Variants in GPC5 observed in about 807,000 individuals in gnomAD.
GPC5 encodes the protein glypican 5.
In GPC5, 47 loss-of-function variants were observed where a neutral mutation model predicts 53.9. The observed-to-expected ratio is 0.87, with a 90% confidence interval of 0.69 to 1.11. The LOEUF (loss-of-function observed/expected upper bound fraction) is 1.11. Ranked by LOEUF, GPC5 falls within the 50% of genes most tolerant of loss-of-function variation. GPC5 has a pLI of 0.00. For synonymous variants in GPC5, 286 were observed against 263.3 expected (o/e 1.09, Z -0.84); for missense variants, 748 against 713.1 (o/e 1.05, Z -0.56).
At chr13:92,685,017 T>G (rs998809158) in intron 7 of GPC5, among the ~76,000 whole-genome samples, 2 of 152,218 alleles carry the variant, frequency 1.3e-5, no homozygotes, top group Admixed American at 1.3e-4. Context: ...ATGTGCTTAT[T>G]TACCATTAGT....
chr13:91,781,991 T>C (rs774589022), intron 5 of GPC5, among the ~76,000 whole-genome samples: 39 of 152,224 alleles, frequency 2.6e-4, no homozygotes, highest in Non-Finnish European at 5.0e-4. Flanking sequence ...TCTCAAAACA[T>C]ATTAAAATAT....
chr13:91,795,181 T>A (rs2038027605), intron 5 of GPC5, among the ~76,000 whole-genome samples: 1 of 152,200 alleles, frequency 6.6e-6, no homozygotes, highest in Non-Finnish European at 1.5e-5. Flanking sequence ...GAATACTTAT[T>A]GAATAGAAGT....
chr13:92,344,389 A>C (rs1427652263), intron 7 of GPC5, among the ~76,000 whole-genome samples: 1 of 152,174 alleles, frequency 6.6e-6, no homozygotes, highest in Non-Finnish European at 1.5e-5. Flanking sequence ...ACTGCAAGTC[A>C]AGATGAGATT....
At chr13:91,452,365 A>G (rs1339084095) in intron 2 of GPC5, among the ~76,000 whole-genome samples, 2 of 152,162 alleles carry the variant, frequency 1.3e-5, no homozygotes, top group African/African-American at 4.8e-5. Flanking sequence ...GAAGTATTTT[A>G]TAGGGCAGAA....
rs576385732 is a variant in GPC5 at position 92,041,588 on chromosome 13, C to G, written c.1402-103242C>G. On this transcript the variant is annotated intron_variant, in intron 6 of 7. Transcript: ENST00000377067. ...GACAGTCTAGAAAACTGCCTGCCCC[C>G]CTAAAGCTGTGTCCATTCAAGTGAT... Among the ~76,000 whole-genome samples the G allele has an allele frequency of 2.8e-4, 43 of 152,286 alleles. 1 individual carries two copies. In the South Asian group the frequency reaches 6.6e-3, roughly 24 times the overall value.
At chr13:92,311,126 A>T (rs2043142466) in intron 7 of GPC5, among the ~76,000 whole-genome samples, 1 of 152,240 alleles carries the variant, frequency 6.6e-6, no homozygotes, top group Non-Finnish European at 1.5e-5. Context: ...AAAAGTTATA[A>T]ATTCATAAAT....
chr13:91,948,892 GT>G (rs559949476), intron 6 of GPC5, among the ~76,000 whole-genome samples: 67 of 152,222 alleles, frequency 4.4e-4, no homozygotes, highest in African/African-American at 1.5e-3. Flanking sequence ...TCATGTTTTT[GT>G]TTTTTCTTTT....
At chr13:92,580,266 T>C (rs1318757915) in intron 7 of GPC5, among the ~76,000 whole-genome samples, 1 of 151,976 alleles carries the variant, frequency 6.6e-6, no homozygotes, top group Non-Finnish European at 1.5e-5. Flanking sequence ...TCCAAAAGAG[T>C]GACATTTTGC....
Position 91,398,998 on chromosome 13 carries a change from C to T in GPC5, c.-49C>T. 6.6e-7 allele frequency: 1 copy of T among 1,524,766 alleles called. No homozygotes were observed. Among genetic ancestry groups the T allele is most frequent in the Non-Finnish European group, 8.8e-7 (1 of 1,130,520 alleles). The allele number at this position is 1,524,766 out of a possible 1,614,324, so 94.5% of individuals were successfully genotyped here. ...ACGTCTGCAGCTCAGCCAGGGCGCG[C>T]AGGGCGAGTGGGGTCCACTGGCGGG... On this transcript the variant is annotated 5_prime_UTR_variant, in exon 1 of 8. Coordinates refer to ENST00000377067, the MANE Select transcript of GPC5 (RefSeq NM_004466.6).
At chr13:91,520,814 A>C (rs1195560325) in intron 2 of GPC5, among the ~76,000 whole-genome samples, 1 of 152,052 alleles carries the variant, frequency 6.6e-6, no homozygotes, top group Non-Finnish European at 1.5e-5. Flanking sequence ...AAACAACAAT[A>C]AGATCTGTCA....
At chr13:91,954,446 G>A (rs898779597) in intron 6 of GPC5, among the ~76,000 whole-genome samples, 13 of 151,966 alleles carry the variant, frequency 8.6e-5, no homozygotes, top group African/African-American at 1.2e-4. Context: ...ATAACAATTC[G>A]TATAGGCATC....
At chr13:92,176,813 C>T (rs958087098) in intron 7 of GPC5, among the ~76,000 whole-genome samples, 1 of 152,122 alleles carries the variant, frequency 6.6e-6, no homozygotes, top group African/African-American at 2.4e-5. Context: ...ACCACTTTAC[C>T]TTTACTGGAG....
intron 1 of GPC5, among the ~76,000 whole-genome samples, chr13:91,422,644 AG>A (rs1338425644): frequency 1.8e-4 from 17 of 94,682 alleles, no homozygotes; most frequent in East Asian, 1.3e-3. Flanking sequence ...AAAAGAAAAA[AG>A]AAAAAAAAAA....
intron 7 of GPC5, among the ~76,000 whole-genome samples, chr13:92,430,014 A>G (rs1351230549): frequency 6.6e-6 from 1 of 152,074 alleles, no homozygotes; most frequent in Non-Finnish European, 1.5e-5. Flanking sequence ...GGTAACGCAT[A>G]TGTTATCTAG....
At chr13:92,021,030 T>G (rs1217201920) in intron 6 of GPC5, among the ~76,000 whole-genome samples, 1 of 152,202 alleles carries the variant, frequency 6.6e-6, no homozygotes, top group Non-Finnish European at 1.5e-5. Context: ...AATTTCATTC[T>G]TTTGCATGTT....
chr13:91,728,524 T>C lies in GPC5; in HGVS notation c.1021-8T>C. The C allele has an allele frequency of 6.2e-7, 1 of 1,606,020 alleles. No homozygotes were observed. Among genetic ancestry groups the C allele is most frequent in the Non-Finnish European group, 8.5e-7 (1 of 1,176,284 alleles). On this transcript the variant is annotated splice_region_variant and splice_polypyrimidine_tract_variant and intron_variant, in intron 3 of 7. Coordinates refer to ENST00000377067, the MANE Select transcript of GPC5 (RefSeq NM_004466.6). Reference sequence around the variant, plus strand: ...TCTAACTACCTTTTAATGTTTTCTATTTAAAAGGTAAATAGGATTTGTGGC... The same window carrying C: ...TCTAACTACCTTTTAATGTTTTCTACTTAAAAGGTAAATAGGATTTGTGGC...
At chr13:91,571,850 T>TACGTGTGTGTGTATACAC (rs2031836500) in intron 2 of GPC5, among the ~76,000 whole-genome samples, 6 of 70,516 alleles carry the variant, frequency 8.5e-5, no homozygotes, top group African/African-American at 8.3e-4. Context: ...TGTGTGTATA[T>TACGTGTGTGTGTATACAC]ACACATATAC....
chr13:91,846,597 C>G (rs2038851729), intron 5 of GPC5, among the ~76,000 whole-genome samples: 1 of 151,638 alleles, frequency 6.6e-6, no homozygotes, highest in African/African-American at 2.4e-5. Flanking sequence ...CTAGGCTTGT[C>G]TATCATTGGC....
At chr13:91,463,794 G>A (rs1351254349) in intron 2 of GPC5, among the ~76,000 whole-genome samples, 2 of 152,088 alleles carry the variant, frequency 1.3e-5, no homozygotes, top group Non-Finnish European at 2.9e-5. Context: ...TATAGTTTAT[G>A]TAAAACTGTG....
Sources: allele counts gnomAD v4.1 joint callset (sites outside exome capture counted in the v4.1 genomes callset), GRCh38; gene constraint gnomAD v4.1.1; transcripts MANE v1.5; gene names NCBI Gene and HGNC (gene_info 2026-07-23, HGNC 2026-07-21).